Variants in PTPRD observed in about 807,000 individuals in gnomAD.
The protein encoded by PTPRD is receptor-type tyrosine-protein phosphatase delta.
PTPRD carries 34 observed loss-of-function variants against 214.5 expected under a neutral mutation model. That is an observed-to-expected ratio of 0.16 (90% CI 0.12 to 0.21). PTPRD has a LOEUF of 0.21. Ranked by LOEUF, PTPRD falls within the 10% of genes least tolerant of loss-of-function variation. The pLI, the probability that PTPRD is intolerant of heterozygous loss-of-function variation, is 1.00. For synonymous variants in PTPRD, 1,128 were observed against 845.7 expected (o/e 1.33, Z -5.79); for missense variants, 2,545 against 2,398.7 (o/e 1.06, Z -1.27).
intron 2 of PTPRD, among the ~76,000 whole-genome samples, chr9:10,490,480 T>G (rs2039840359): frequency 6.6e-6 from 1 of 152,182 alleles, no homozygotes; most frequent in Non-Finnish European, 1.5e-5. Context: ...TGCCCTACTT[T>G]TATAGATACC....
intron 9 of PTPRD, among the ~76,000 whole-genome samples, chr9:9,238,667 T>A (rs1445197862): frequency 6.6e-6 from 1 of 152,156 alleles, no homozygotes; most frequent in Non-Finnish European, 1.5e-5. Context: ...ATGGGCTAGT[T>A]GACATTAGGT....
intron 5 of PTPRD, among the ~76,000 whole-genome samples, chr9:9,909,830 T>TGAA (rs2078681918): frequency 1.3e-5 from 2 of 151,890 alleles, no homozygotes; most frequent in African/African-American, 4.8e-5. Context: ...TCAACATCTG[T>TGAA]TTTTGCCTAT....
intron 4 of PTPRD, among the ~76,000 whole-genome samples, chr9:9,993,775 T>G (rs1050290504): frequency 4.1e-4 from 18 of 44,072 alleles, no homozygotes; most frequent in African/African-American, 1.3e-3. Flanking sequence ...TGTGATTTTT[T>G]GCAATTTTTC....
At chr9:8,741,801 G>C (rs1006178709) in intron 11 of PTPRD, among the ~76,000 whole-genome samples, 2 of 151,912 alleles carry the variant, frequency 1.3e-5, no homozygotes, top group Non-Finnish European at 2.9e-5. Flanking sequence ...ATATTGGCCA[G>C]GCTGGTGTCA....
At chr9:9,314,146 T>C (rs1238688374) in intron 9 of PTPRD, among the ~76,000 whole-genome samples, 1 of 152,268 alleles carries the variant, frequency 6.6e-6, no homozygotes, top group East Asian at 1.9e-4. Flanking sequence ...ATGTGCATTA[T>C]TAAGATAGTC....
chr9:9,553,094 T>C (rs736041), intron 8 of PTPRD, among the ~76,000 whole-genome samples: 54,732 of 151,854 alleles, frequency 0.36, 10,259 homozygotes, highest in African/African-American at 0.45. Flanking sequence ...CAGCAAAGCA[T>C]GCCAATACAT....
At chr9:9,291,130 T>A (rs958854687) in intron 9 of PTPRD, among the ~76,000 whole-genome samples, 2 of 151,452 alleles carry the variant, frequency 1.3e-5, no homozygotes, top group Non-Finnish European at 3.0e-5. Flanking sequence ...TACACTGAAA[T>A]ACATGGCCAA....
chr9:8,766,370 T>C (rs1010592), intron 11 of PTPRD, among the ~76,000 whole-genome samples: 7,096 of 151,970 alleles, frequency 0.047, 419 homozygotes, highest in African/African-American at 0.14. Context: ...TATGTGTGAG[T>C]GTACCCTGAG....
intron 3 of PTPRD, among the ~76,000 whole-genome samples, chr9:10,294,267 T>G (rs999864040): frequency 3.3e-5 from 5 of 151,918 alleles, no homozygotes; most frequent in African/African-American, 1.2e-4. Flanking sequence ...GTTCAGTGGT[T>G]CTGAGTACAA....
chr9:9,938,567 C>T lies in PTPRD; in HGVS notation c.-428G>A, dbSNP rs1307886809. The T allele has an allele frequency of 6.6e-6, 1 of 152,112 alleles. No homozygotes were observed. 9.4% of individuals were successfully genotyped at this position (152,112 alleles called of 1,614,324 possible). On this transcript the variant is annotated 5_prime_UTR_variant, in exon 5 of 46. Coordinates refer to ENST00000381196, the MANE Select transcript of PTPRD (RefSeq NM_002839.4). ...CATGCTGTCAGTCAGACACCTCTAA[C>T]TGGAATATCACGGGCCAGGAACTGC...
intron 4 of PTPRD, among the ~76,000 whole-genome samples, chr9:9,964,101 C>CAGAGACAGAG (rs2094534378): frequency 1.2e-5 from 1 of 81,098 alleles, no homozygotes; most frequent in Non-Finnish European, 2.8e-5. Flanking sequence ...CAGACAAAGA[C>CAGAGACAGAG]AGAGACAGAG....
chr9:8,972,564 A>G (rs1341362926), intron 11 of PTPRD, among the ~76,000 whole-genome samples: 1 of 151,874 alleles, frequency 6.6e-6, no homozygotes, highest in Non-Finnish European at 1.5e-5. Flanking sequence ...AAAGAAAAGA[A>G]CAAATTAAAT....
At chr9:9,852,148 A>G (rs1420473277) in intron 5 of PTPRD, among the ~76,000 whole-genome samples, 2 of 152,094 alleles carry the variant, frequency 1.3e-5, no homozygotes, top group Admixed American at 1.3e-4. Context: ...TATATGGCCA[A>G]CTGAATCTAA....
intron 3 of PTPRD, among the ~76,000 whole-genome samples, chr9:10,098,879 C>A (rs1329342366): frequency 6.6e-6 from 1 of 151,756 alleles, no homozygotes; most frequent in Non-Finnish European, 1.5e-5. Flanking sequence ...TGCACTTCAC[C>A]ATTTCAGTTC....
intron 11 of PTPRD, among the ~76,000 whole-genome samples, chr9:8,958,469 C>T (rs1280989179): frequency 6.6e-6 from 1 of 151,796 alleles, no homozygotes; most frequent in African/African-American, 2.4e-5. Flanking sequence ...GACCTTTTGC[C>T]CTAATCTCTG....
intron 11 of PTPRD, among the ~76,000 whole-genome samples, chr9:8,832,864 C>A (rs1242750166): frequency 6.6e-6 from 1 of 151,770 alleles, no homozygotes. Flanking sequence ...AAACGCATAC[C>A]CCCAAAGAAC....
At chr9:10,032,869 A>G (rs117146370) in intron 4 of PTPRD, among the ~76,000 whole-genome samples, 4,974 of 152,084 alleles carry the variant, frequency 0.033, 129 homozygotes, top group Admixed American at 0.089. Flanking sequence ...TTATCTATAA[A>G]GATAGCAGTA....
intron 10 of PTPRD, among the ~76,000 whole-genome samples, chr9:9,167,495 C>A (rs1490989773): frequency 6.6e-6 from 1 of 152,060 alleles, no homozygotes; most frequent in East Asian, 1.9e-4. Flanking sequence ...TGGCTCACAA[C>A]TGTAATCTTA....
At chr9:9,738,059 A>C (rs2098331441) in intron 6 of PTPRD, among the ~76,000 whole-genome samples, 2 of 151,630 alleles carry the variant, frequency 1.3e-5, no homozygotes. Context: ...CAACGAGAAC[A>C]CGTGGACACA....
Sources: allele counts gnomAD v4.1 joint callset (sites outside exome capture counted in the v4.1 genomes callset), GRCh38; gene constraint gnomAD v4.1.1; transcripts MANE v1.5; gene names NCBI Gene and HGNC (gene_info 2026-07-23, HGNC 2026-07-21).